LIPH: variants seen among roughly 807,000 people sequenced by gnomAD.
The protein encoded by LIPH is lipase H.
A neutral mutation model predicts 47.6 loss-of-function variants in LIPH; 32 were observed. The ratio of observed to expected loss-of-function variants is 0.67; its 90% confidence interval spans 0.51 to 0.90. The LOEUF is 0.90. Ranked by LOEUF, LIPH falls within the 40% of genes least tolerant of loss-of-function variation. LIPH has a pLI of 0.00. For synonymous variants in LIPH, 190 were observed against 195.6 expected, an observed-to-expected ratio of 0.97 and a Z score of 0.24; for missense variants, 497 against 541.4, an observed-to-expected ratio of 0.92 and a Z score of 0.81.
At chr3:185,519,331 G>T (rs375726639) in intron 5 of LIPH, 22 bp from the exon 6 acceptor site, 41 of 1,566,230 alleles carry the variant, frequency 2.6e-5, no homozygotes, top group Non-Finnish European at 3.4e-5. Context: ...AAGAAGTGAT[G>T]AAAGAGTAGA....
intron 9 of LIPH, among the ~76,000 whole-genome samples, chr3:185,509,498 C>T (rs1295792838): frequency 6.6e-6 from 1 of 151,296 alleles, no homozygotes; most frequent in Non-Finnish European, 1.5e-5. Context: ...GGCGTGGTCG[C>T]GTGTGCCTGT....
chr3:185,533,104 G>A (rs1031522665), intron 3 of LIPH, among the ~76,000 whole-genome samples: 4 of 152,126 alleles, frequency 2.6e-5, no homozygotes, highest in African/African-American at 9.7e-5. Context: ...ATTTCTGAAG[G>A]TTTTCATTCA....
chr3:185,513,146 T>A (rs1719622548), intron 8 of LIPH, among the ~76,000 whole-genome samples: 2 of 151,930 alleles, frequency 1.3e-5, no homozygotes, highest in African/African-American at 4.8e-5. Context: ...ATCGAGATCA[T>A]CCTGGCCAAC....
At chr3:185,545,234 T>C (rs941626350) in intron 1 of LIPH, among the ~76,000 whole-genome samples, 1 of 152,222 alleles carries the variant, frequency 6.6e-6, no homozygotes, top group African/African-American at 2.4e-5. Context: ...AAATTACAGT[T>C]GGATGAGTGG....
chr3:185,525,512 T>G (rs1489771355), intron 4 of LIPH, among the ~76,000 whole-genome samples: 2 of 152,100 alleles, frequency 1.3e-5, no homozygotes, highest in African/African-American at 4.8e-5. Context: ...GCATGGTGGC[T>G]CACGCCTGTA....
intron 7 of LIPH, among the ~76,000 whole-genome samples, chr3:185,514,726 A>G (rs1474472752): frequency 6.6e-6 from 1 of 152,170 alleles, no homozygotes; most frequent in African/African-American, 2.4e-5. Flanking sequence ...AGCAGAGTTC[A>G]TTGGTTTCCA....
At chr3:185,547,042 C>T in intron 1 of LIPH, 1 of 370,784 alleles carries the variant, frequency 2.7e-6, no homozygotes, top group Non-Finnish European at 5.2e-6. Flanking sequence ...AGTCAATAAG[C>T]AAAGGTGGGA....
chr3:185,539,671 G>T (rs996669360), intron 1 of LIPH, among the ~76,000 whole-genome samples: 1 of 151,948 alleles, frequency 6.6e-6, no homozygotes, highest in African/African-American at 2.4e-5. Flanking sequence ...ACGCCCGGCC[G>T]CATTTTACGG....
intron 4 of LIPH, among the ~76,000 whole-genome samples, chr3:185,526,450 G>A (rs936481777): frequency 6.6e-6 from 1 of 151,396 alleles, no homozygotes; most frequent in Non-Finnish European, 1.5e-5. Context: ...GAACCCAGGA[G>A]GCAGATGTTG....
At chr3:185,522,039 C>T (rs1719909901) in intron 5 of LIPH, among the ~76,000 whole-genome samples, 1 of 152,070 alleles carries the variant, frequency 6.6e-6, no homozygotes, top group Non-Finnish European at 1.5e-5. Flanking sequence ...GAAACACTAT[C>T]GACAGCCAGG....
chr3:185,514,077 C>G (rs1014153682), intron 8 of LIPH, among the ~76,000 whole-genome samples: 2 of 151,492 alleles, frequency 1.3e-5, no homozygotes, highest in Non-Finnish European at 2.9e-5. Context: ...ACAAGGATAA[C>G]TTTTGTATTA....
chr3:185,520,343 A>AC (rs1317418247), intron 5 of LIPH, among the ~76,000 whole-genome samples: 1 of 151,792 alleles, frequency 6.6e-6, no homozygotes, highest in East Asian at 1.9e-4. Context: ...ACATGGTGAA[A>AC]CCCCGTCTCT....
intron 7 of LIPH, 65 bp downstream of exon 7, chr3:185,517,002 G>T: frequency 2.9e-6 from 3 of 1,046,466 alleles, no homozygotes; most frequent in South Asian, 1.3e-5. Context: ...TAGCCAGGAA[G>T]CTGAGACTCA....
Position 185,517,150 on chromosome 3 carries a change from T to C in LIPH, c.899A>G (p.Asp300Gly), listed in dbSNP as rs776331827. ...CCCCCTTAGATGGTCTTTCCAATTA[T>C]CAGCATAATAGCCTATGAAACAAGT... ...ESCPLLGYYA[D>G]NWKDHLRGKD... Residue 300 changes from aspartate to glycine, a missense_variant, in exon 7 of 10, where the codon GAT (aspartate) becomes GGT (glycine). By Grantham distance (94) the Asp-to-Gly change is moderately conservative. Coordinates refer to ENST00000296252, the MANE Select transcript of LIPH (RefSeq NM_139248.3). The C allele has an allele frequency of 6.9e-6, 11 of 1,589,306 alleles. No individual in the cohort carries two copies. Among genetic ancestry groups the C allele is most frequent in the African/African-American group, 1.3e-5 (1 of 74,574 alleles).
chr3:185,521,633 C>A (rs1299185353), intron 5 of LIPH, among the ~76,000 whole-genome samples: 1 of 152,144 alleles, frequency 6.6e-6, no homozygotes, highest in Non-Finnish European at 1.5e-5. Flanking sequence ...CGGACACCTG[C>A]CAGATGTTGA....
intron 1 of LIPH, among the ~76,000 whole-genome samples, chr3:185,547,306 G>A (rs888626951): frequency 5.3e-5 from 8 of 152,190 alleles, no homozygotes; most frequent in Admixed American, 3.3e-4. Context: ...TCAATTTCAC[G>A]TCCTACATGA....
chr3:185,548,897 G>T (rs1426089953), intron 1 of LIPH, among the ~76,000 whole-genome samples: 1 of 152,066 alleles, frequency 6.6e-6, no homozygotes. Flanking sequence ...ACTTTGGGAG[G>T]CCGAGGCAGG....
At chr3:185,527,049 C>G (rs1577675139) in intron 4 of LIPH, among the ~76,000 whole-genome samples, 1 of 152,002 alleles carries the variant, frequency 6.6e-6, no homozygotes, top group South Asian at 2.1e-4. Flanking sequence ...ACCATCCTGG[C>G]TAACACGGTG....
At position 185,506,845 on chromosome 3, in the gene LIPH, A is replaced by C. The variant is rs1428138129; in HGVS notation, c.*1945T>G. ...AGACTCCATCTAAAAAAAAAAAAAA[A>C]AAAAAAAAAAAAAAACCAGGGCCTA... On this transcript the variant is annotated 3_prime_UTR_variant, in exon 10 of 10. Transcript: ENST00000296252. 2 of 149,482 alleles carry C rather than the reference A, an allele frequency of 1.3e-5. No individual in the cohort carries two copies. Among genetic ancestry groups the C allele is most frequent in the Non-Finnish European group, 3.0e-5 (2 of 67,592 alleles). 9.3% of individuals were successfully genotyped at this position (149,482 alleles called of 1,614,324 possible).
Sources: gnomAD v4.1 joint callset for allele counts (sites outside exome capture counted in the v4.1 genomes callset) on GRCh38, gnomAD v4.1.1 for gene constraint, MANE v1.5 for transcripts, NCBI Gene and HGNC (gene_info 2026-07-23, HGNC 2026-07-21) for gene names.